The following PPM1H variants were observed in gnomAD, a reference collection of about 807,000 sequenced individuals.
PPM1H encodes the protein protein phosphatase, Mg2+/Mn2+ dependent 1H.
PPM1H carries 27 observed loss-of-function variants against 54.9 expected under a neutral mutation model. That is an observed-to-expected ratio of 0.49 (90% confidence interval 0.36 to 0.68). The LOEUF (loss-of-function observed/expected upper bound fraction) is 0.68, where lower values mean the gene tolerates loss of function less well. Ranked by LOEUF, PPM1H falls within the 30% of genes least tolerant of loss-of-function variation. The pLI is 0.00. For missense variants in PPM1H, 596 were observed against 667.8 expected (o/e 0.89, Z 1.19); for synonymous variants, 305 against 270.8 (o/e 1.13, Z -1.24).
chr12:62,706,201 T>C (rs1488618795), intron 6 of PPM1H, among the ~76,000 whole-genome samples: 1 of 152,240 alleles, frequency 6.6e-6, no homozygotes, highest in Non-Finnish European at 1.5e-5. Context: ...ATGAGAGTTT[T>C]GCACAAGCCT....
intron 1 of PPM1H, among the ~76,000 whole-genome samples, chr12:62,929,527 G>A (rs962174145): frequency 1.3e-5 from 2 of 152,168 alleles, no homozygotes; most frequent in Non-Finnish European, 2.9e-5. Context: ...TAGTACTGCT[G>A]TAACCTTAAT....
chr12:62,766,228 A>C (rs1485616978), intron 4 of PPM1H, among the ~76,000 whole-genome samples: 2 of 152,190 alleles, frequency 1.3e-5, no homozygotes, highest in Non-Finnish European at 2.9e-5. Flanking sequence ...AGAAAACAGG[A>C]GAGAGGGCTC....
At chr12:62,818,351 G>A (rs1192663514) in intron 2 of PPM1H, among the ~76,000 whole-genome samples, 1 of 152,110 alleles carries the variant, frequency 6.6e-6, no homozygotes, top group Non-Finnish European at 1.5e-5. Flanking sequence ...CAATCAGTAT[G>A]ATAAATAAAG....
At chr12:62,652,244 GCT>G (rs2075820798) in intron 9 of PPM1H, among the ~76,000 whole-genome samples, 1 of 152,116 alleles carries the variant, frequency 6.6e-6, no homozygotes, top group African/African-American at 2.4e-5. Context: ...ACAGGGCCTC[GCT>G]CTGTCATCCA....
chr12:62,832,249 A>T lies in PPM1H; in HGVS notation c.276T>A (p.Asn92Lys). The T allele has an allele frequency of 6.2e-7, 1 of 1,613,044 alleles. No individual in the cohort carries two copies. The highest frequency in any genetic ancestry group is 8.5e-7 in the Non-Finnish European group (1 of 1,179,566). ...GCACCTCACAGCTGGCTTGGTCTTC[A>T]TTGTGTGTGCTCTTCCCGGCATTGA... ...EVINAGKSTH[N>K]EDQASCEVLT... The change falls in exon 2 of 10, where the codon AAT becomes AAA. Residue 92 changes from asparagine to lysine, a missense_variant. Transcript: ENST00000228705.
chr12:62,757,269 A>T (rs1372512481), intron 4 of PPM1H, among the ~76,000 whole-genome samples: 1 of 152,182 alleles, frequency 6.6e-6, no homozygotes, highest in Non-Finnish European at 1.5e-5. Context: ...GTGATTTTTG[A>T]TAGATAAACT....
At chr12:62,676,326 G>A (rs2075985846) in intron 8 of PPM1H, among the ~76,000 whole-genome samples, 1 of 152,218 alleles carries the variant, frequency 6.6e-6, no homozygotes, top group Non-Finnish European at 1.5e-5. Context: ...TGGACCAGCT[G>A]CTGCAAAGAT....
chr12:62,738,505 G>T (rs931541215), intron 4 of PPM1H, among the ~76,000 whole-genome samples: 9 of 152,170 alleles, frequency 5.9e-5, no homozygotes, highest in Admixed American at 5.9e-4. Context: ...GAGGCTGCAG[G>T]ATCGATAACC....
chr12:62,722,972 G>A (rs902021707), intron 5 of PPM1H, among the ~76,000 whole-genome samples: 3 of 152,160 alleles, frequency 2.0e-5, no homozygotes, highest in Non-Finnish European at 4.4e-5. Context: ...TAAACCCATT[G>A]TAACCTGAAA....
chr12:62,726,724 C>T (rs2076291722), intron 5 of PPM1H, among the ~76,000 whole-genome samples: 1 of 152,116 alleles, frequency 6.6e-6, no homozygotes. Context: ...TAGGGCCTGC[C>T]CAGAATTCAG....
intron 5 of PPM1H, among the ~76,000 whole-genome samples, chr12:62,722,430 A>G (rs1231376384): frequency 6.6e-6 from 1 of 152,208 alleles, no homozygotes; most frequent in African/African-American, 2.4e-5. Context: ...GTTAAGACCT[A>G]GCCCGAGGTC....
At chr12:62,780,916 C>A (rs2076638094) in intron 4 of PPM1H, among the ~76,000 whole-genome samples, 2 of 152,200 alleles carry the variant, frequency 1.3e-5, no homozygotes, top group Admixed American at 1.3e-4. Flanking sequence ...TCACAATAAT[C>A]TCACGCCAGC....
chr12:62,701,662 T>C (rs2076144559), intron 6 of PPM1H, among the ~76,000 whole-genome samples: 1 of 151,566 alleles, frequency 6.6e-6, no homozygotes, highest in Non-Finnish European at 1.5e-5. Context: ...CTTGTAACAA[T>C]GGCTTTCTTG....
chr12:62,889,504 A>G (rs961941448), intron 1 of PPM1H, among the ~76,000 whole-genome samples: 1 of 152,002 alleles, frequency 6.6e-6, no homozygotes. Flanking sequence ...AAAAATTTAA[A>G]AAATATATAT....
At chr12:62,899,773 G>T (rs532611225) in intron 1 of PPM1H, among the ~76,000 whole-genome samples, 1 of 152,168 alleles carries the variant, frequency 6.6e-6, no homozygotes, top group Non-Finnish European at 1.5e-5. Flanking sequence ...CGTTTGTAAA[G>T]CATTACAGTA....
At chr12:62,671,197 G>T (rs1301011763) in intron 8 of PPM1H, among the ~76,000 whole-genome samples, 1 of 151,934 alleles carries the variant, frequency 6.6e-6, no homozygotes, top group Non-Finnish European at 1.5e-5. Context: ...AAACTAATGG[G>T]CTCTGAAGCT....
At chr12:62,858,533 A>C (rs1007625959) in intron 1 of PPM1H, among the ~76,000 whole-genome samples, 2 of 152,202 alleles carry the variant, frequency 1.3e-5, no homozygotes, top group Non-Finnish European at 2.9e-5. Flanking sequence ...GCAAGCATGC[A>C]ATCTGTCTCC....
chr12:62,811,919 T>C (rs985337303), intron 2 of PPM1H, among the ~76,000 whole-genome samples: 1 of 152,222 alleles, frequency 6.6e-6, no homozygotes, highest in Non-Finnish European at 1.5e-5. Context: ...AGCACCTATG[T>C]TTAATCCCCC....
At position 62,647,225 on chromosome 12, in the gene PPM1H, A is replaced by G. The variant is rs2075790904; in HGVS notation, c.*1264T>C. The G allele has an allele frequency of 2.6e-5, 4 of 152,248 alleles. No individual in the cohort carries two copies. The highest frequency in any genetic ancestry group is 2.0e-4 in the Admixed American group (3 of 15,286). 9.4% of individuals were successfully genotyped at this position (152,248 alleles called of 1,614,324 possible). ...GTGGAACCATAGAGGGACCTTGAGG[A>G]GCTGGGACATGATTCTTTAGAGAAG... is the stretch of plus-strand genomic sequence containing the variant. On this transcript the variant is annotated 3_prime_UTR_variant, in exon 10 of 10. Transcript: ENST00000228705.
Sources: allele counts gnomAD v4.1 joint callset (sites outside exome capture counted in the v4.1 genomes callset), GRCh38; gene constraint gnomAD v4.1.1; transcripts MANE v1.5; gene names NCBI Gene and HGNC (gene_info 2026-07-23, HGNC 2026-07-21).